The following RASSF3 variants were observed in gnomAD, a reference collection of about 807,000 sequenced individuals.
RASSF3 encodes Ras association domain family member 3.
In RASSF3, 19 loss-of-function variants were observed where a neutral mutation model predicts 19.9. The ratio of observed to expected loss-of-function variants is 0.96; its 90% CI spans 0.67 to 1.40. The LOEUF (loss-of-function observed/expected upper bound fraction) is 1.40, where lower values mean the gene tolerates loss of function less well. RASSF3 is among the 40% of genes most tolerant of loss of function. The pLI is 0.00. For synonymous variants in RASSF3, 110 were observed against 104.2 expected, an observed-to-expected ratio of 1.06 and a Z score of -0.34; for missense variants, 306 against 289.8, an observed-to-expected ratio of 1.06 and a Z score of -0.41.
At chr12:64,620,813 G>A (rs1054566314) in intron 1 of RASSF3, among the ~76,000 whole-genome samples, 1 of 151,980 alleles carries the variant, frequency 6.6e-6, no homozygotes, top group Non-Finnish European at 1.5e-5. Context: ...GCCAATTTAT[G>A]TCTATTTTTA....
At chr12:64,536,187 G>C (rs1429329848) in intron 1 of RASSF3, among the ~76,000 whole-genome samples, 2 of 151,234 alleles carry the variant, frequency 1.3e-5, no homozygotes, top group Admixed American at 6.6e-5. Context: ...TTTTAGTAGA[G>C]ATGGGGTTTC....
intron 1 of RASSF3, among the ~76,000 whole-genome samples, chr12:64,660,064 G>A (rs143763363): frequency 2.1e-4 from 17 of 79,684 alleles, no homozygotes; most frequent in South Asian, 9.2e-4. Flanking sequence ...ATATATATAT[G>A]TGTGTGTGTA....
intron 2 of RASSF3, among the ~76,000 whole-genome samples, chr12:64,595,316 C>T (rs1869983278): frequency 6.6e-6 from 1 of 152,030 alleles, no homozygotes; most frequent in Non-Finnish European, 1.5e-5. Context: ...GATCAGCCCG[C>T]CTCGGCCTCC....
chr12:64,509,255 G>A (rs1868312607), intron 1 of RASSF3, among the ~76,000 whole-genome samples: 1 of 152,150 alleles, frequency 6.6e-6, no homozygotes, highest in South Asian at 2.1e-4. Flanking sequence ...TTTGAGACCA[G>A]CCTGGCCAAC....
downstream of RASSF3, among the ~76,000 whole-genome samples, chr12:64,544,184 C>T (rs1050934806): frequency 9.2e-5 from 14 of 152,178 alleles, no homozygotes; most frequent in African/African-American, 2.9e-4. Context: ...CACCGTGAAA[C>T]GCTCATCGCG....
At chr12:64,551,401 C>T (rs1426610003) in intron 2 of RASSF3, among the ~76,000 whole-genome samples, 1 of 152,028 alleles carries the variant, frequency 6.6e-6, no homozygotes, top group Non-Finnish European at 1.5e-5. Flanking sequence ...ATGGCAAAAC[C>T]CTGGCTCTAC....
intron 1 of RASSF3, among the ~76,000 whole-genome samples, chr12:64,629,297 G>A (rs1871094137): frequency 6.6e-6 from 1 of 151,200 alleles, no homozygotes; most frequent in African/African-American, 2.4e-5. Context: ...TTGTAGAGAT[G>A]GGGTTTCACA....
chr12:64,696,138 TCC>T lies in RASSF3; in HGVS notation c.*1228_*1229del, dbSNP rs1165988369. 486 of 49,202 alleles carry T rather than the reference TCC, an allele frequency of 9.9e-3. 5 individuals are homozygous for T. Among genetic ancestry groups the T allele is most frequent in the African/African-American group, 0.033 (471 of 14,246 alleles). The allele number at this position is 49,202 out of a possible 1,614,324, so 3.0% of individuals were successfully genotyped here. A position where few individuals can be genotyped will look rare whatever the true frequency, so the allele number is the denominator to read the frequency against. ...CCCTCCCTCCTTCCCTCCCTCTCTCTCCCTCTCCCTTTCTTTTCTACATTGAA... is the reference window on the plus strand; with the variant it reads ...CCCTCCCTCCTTCCCTCCCTCTCTCTCTCTCCCTTTCTTTTCTACATTGAA... On this transcript the variant is annotated 3_prime_UTR_variant, in exon 5 of 5. Transcript: ENST00000542104.
At chr12:64,591,493 C>G (rs946156697) in intron 2 of RASSF3, among the ~76,000 whole-genome samples, 5 of 151,964 alleles carry the variant, frequency 3.3e-5, no homozygotes, top group African/African-American at 1.2e-4. Context: ...AAAAGTCAAC[C>G]TGAGAGAGAA....
chr12:64,542,331 C>CA (rs955568834), downstream of RASSF3, among the ~76,000 whole-genome samples: 5 of 151,786 alleles, frequency 3.3e-5, no homozygotes, highest in Non-Finnish European at 7.4e-5. Flanking sequence ...GATCCCACCT[C>CA]AAAAAAACAA....
intron 1 of RASSF3, among the ~76,000 whole-genome samples, chr12:64,522,661 ACTTGTGTG>A (rs1868503283): frequency 6.6e-6 from 1 of 152,124 alleles, no homozygotes; most frequent in South Asian, 2.1e-4. Flanking sequence ...GGACTATGAA[ACTTGTGTG>A]CCAGGAGTCT....
At chr12:64,592,793 T>G (rs1488345323) in intron 2 of RASSF3, among the ~76,000 whole-genome samples, 2 of 152,128 alleles carry the variant, frequency 1.3e-5, no homozygotes, top group Non-Finnish European at 2.9e-5. Flanking sequence ...CATGCCAAGA[T>G]GCCTGGCTAA....
intron 2 of RASSF3, among the ~76,000 whole-genome samples, chr12:64,587,983 T>C (rs936736558): frequency 1.3e-5 from 2 of 152,242 alleles, no homozygotes; most frequent in Non-Finnish European, 2.9e-5. Context: ...ATGTGCTAAA[T>C]TAGTTTATCA....
intron 1 of RASSF3, among the ~76,000 whole-genome samples, chr12:64,635,248 C>T (rs1018515535): frequency 6.6e-6 from 1 of 152,062 alleles, no homozygotes; most frequent in African/African-American, 2.4e-5. Flanking sequence ...GCCACCATGC[C>T]TGGCCGTAGT....
intron 2 of RASSF3, among the ~76,000 whole-genome samples, chr12:64,567,704 G>A (rs1218229632): frequency 6.6e-6 from 1 of 152,214 alleles, no homozygotes; most frequent in Non-Finnish European, 1.5e-5. Context: ...AACTGCAACT[G>A]CTAACGTCCT....
At chr12:64,570,157 A>G (rs1211191519) in intron 2 of RASSF3, among the ~76,000 whole-genome samples, 1 of 152,194 alleles carries the variant, frequency 6.6e-6, no homozygotes, top group African/African-American at 2.4e-5. Context: ...TATAAAGTTC[A>G]CAAGCTTTAG....
intron 1 of RASSF3, 79 bp downstream of exon 1, chr12:64,610,822 C>G: frequency 1.2e-6 from 1 of 831,770 alleles, no homozygotes; most frequent in East Asian, 3.2e-5. Flanking sequence ...CCTGCCTCCA[C>G]GTGTCTCTGC....
chr12:64,531,798 T>A (rs1030950492), upstream of RASSF3, among the ~76,000 whole-genome samples: 7 of 152,136 alleles, frequency 4.6e-5, no homozygotes, highest in Non-Finnish European at 8.8e-5. Flanking sequence ...GGAACGCCCC[T>A]TTGTTTTAGA....
At chr12:64,686,339 G>T (rs1424888649) in intron 2 of RASSF3, among the ~76,000 whole-genome samples, 1 of 151,980 alleles carries the variant, frequency 6.6e-6, no homozygotes, top group African/African-American at 2.4e-5. Flanking sequence ...TCAAGAGTTC[G>T]ACGGTGGCTC....
Sources: allele counts gnomAD v4.1 joint callset (sites outside exome capture counted in the v4.1 genomes callset), GRCh38; gene constraint gnomAD v4.1.1; transcripts MANE v1.5; gene names NCBI Gene and HGNC (gene_info 2026-07-23, HGNC 2026-07-21).